PDZD2: variants seen among roughly 807,000 people sequenced by gnomAD.
PDZD2 encodes the protein PDZ domain-containing protein 2.
In PDZD2, 90 loss-of-function variants were observed where a neutral mutation model predicts 220.7. The observed-to-expected ratio is 0.41, with a 90% CI of 0.34 to 0.49. The LOEUF (loss-of-function observed/expected upper bound fraction) is 0.49, where lower values mean the gene tolerates loss of function less well. Among genes scored for constraint, PDZD2 ranks in the 20% least tolerant of loss-of-function variants. The pLI is 0.28. For missense variants in PDZD2, 3,174 were observed against 3,608.5 expected, an observed-to-expected ratio of 0.88 and a Z score of 3.08; for synonymous variants, 1,375 against 1,450.5, an observed-to-expected ratio of 0.95 and a Z score of 1.18.
chr5:31,721,732 T>G (rs939444533), intron 1 of PDZD2, among the ~76,000 whole-genome samples: 1 of 118,554 alleles, frequency 8.4e-6, no homozygotes, highest in Non-Finnish European at 1.8e-5. Flanking sequence ...AAATGAGGCT[T>G]AGCTGTCTCA....
chr5:31,864,918 G>A (rs917211053), intron 2 of PDZD2, among the ~76,000 whole-genome samples: 4 of 130,948 alleles, frequency 3.1e-5, no homozygotes, highest in Non-Finnish European at 6.2e-5. Context: ...GCGTAATCTC[G>A]GCTCACTTCA....
Position 32,087,178 on chromosome 5 carries a change from G to T in PDZD2, c.3730G>T (p.Ala1244Ser). The T allele has an allele frequency of 1.2e-6, 2 of 1,613,696 alleles. No homozygotes were observed. Among genetic ancestry groups the T allele is most frequent in the South Asian group, 2.2e-5 (2 of 91,070 alleles). The change falls in exon 20 of 25, where the codon GCC becomes TCC. Residue 1244 changes from alanine (A) to serine (S), a missense_variant. Coordinates refer to ENST00000438447, the MANE Select transcript of PDZD2 (RefSeq NM_178140.4). The surrounding 1 kb of genome is among the most constrained non-coding windows in gnomAD (Gnocchi z 4.0). ...CATCTCTTCCCCAGGGAAGAAGGGGGCCGCTCATCCTGACCCCAGCAAGAC... is the reference window on the plus strand; with the variant it reads ...CATCTCTTCCCCAGGGAAGAAGGGGTCCGCTCATCCTGACCCCAGCAAGAC... Reference protein sequence around the residue: ...DLISSPGKKGAAHPDPSKTSV... With the variant: ...DLISSPGKKGSAHPDPSKTSV...
intron 2 of PDZD2, among the ~76,000 whole-genome samples, chr5:31,867,776 C>T (rs551582351): frequency 3.0e-4 from 45 of 151,780 alleles, no homozygotes; most frequent in South Asian, 1.5e-3. Flanking sequence ...CCGCCCTCCA[C>T]GTGTTATATT....
At position 31,849,943 on chromosome 5, in the gene PDZD2, TATATACATATATATATATACAC is replaced by T. The variant is rs1757868281; in HGVS notation, c.476+50225_476+50246del. On this transcript the variant is annotated intron_variant, in intron 2 of 24. Transcript: ENST00000438447. ...ACATATATATATATACACATATATA[TATATACATATATATATATACAC>T]ATATATATATATACATATATATATA... Among the ~76,000 whole-genome samples the T allele has an allele frequency of 8.2e-5, 2 of 24,492 alleles. 1 individual carries two copies. Among genetic ancestry groups the T allele is most frequent in the African/African-American group, 6.1e-4 (2 of 3,256 alleles). The allele number at this position is 24,492 out of a possible 152,430, so 16.1% of individuals were successfully genotyped here.
intron 2 of PDZD2, among the ~76,000 whole-genome samples, chr5:31,888,515 A>G (rs951061540): frequency 6.6e-6 from 1 of 151,882 alleles, no homozygotes; most frequent in African/African-American, 2.4e-5. Flanking sequence ...TCTAAAAAGA[A>G]AATGGGATTG....
chr5:31,699,744 CAG>C (rs1465685571), intron 1 of PDZD2, among the ~76,000 whole-genome samples: 1 of 151,632 alleles, frequency 6.6e-6, no homozygotes, highest in Non-Finnish European at 1.5e-5. Context: ...GCTGGGATTC[CAG>C]GCATACTACC....
chr5:32,047,462 G>A (rs1002131150), intron 7 of PDZD2, among the ~76,000 whole-genome samples: 2 of 152,174 alleles, frequency 1.3e-5, no homozygotes, highest in Admixed American at 6.5e-5. Flanking sequence ...GGTTCAGCAA[G>A]CTCTAGTCCA....
At chr5:31,672,332 C>T (rs1040670837) in intron 1 of PDZD2, among the ~76,000 whole-genome samples, 1 of 151,406 alleles carries the variant, frequency 6.6e-6, no homozygotes, top group Admixed American at 6.6e-5. Flanking sequence ...TGGTGGGTCA[C>T]CCTCTGAGGA....
chr5:31,750,577 G>A (rs1337607201), intron 1 of PDZD2, among the ~76,000 whole-genome samples: 1 of 152,172 alleles, frequency 6.6e-6, no homozygotes, highest in African/African-American at 2.4e-5. Flanking sequence ...TGAGGAGTGT[G>A]GTCCTGAGGG....
intron 1 of PDZD2, among the ~76,000 whole-genome samples, chr5:31,721,807 T>C (rs1236779625): frequency 6.6e-6 from 1 of 151,954 alleles, no homozygotes; most frequent in Non-Finnish European, 1.5e-5. Context: ...TTATTAATAA[T>C]GAGGAGGCTG....
intron 1 of PDZD2, among the ~76,000 whole-genome samples, chr5:31,640,250 T>C (rs1393135356): frequency 6.6e-6 from 1 of 152,204 alleles, no homozygotes; most frequent in African/African-American, 2.4e-5. Context: ...AGCCCAAATC[T>C]ATGCAGAGAC....
chr5:31,953,429 G>C (rs72759611), intron 2 of PDZD2, among the ~76,000 whole-genome samples: 13,552 of 152,142 alleles, frequency 0.089, 812 homozygotes, highest in South Asian at 0.21. Context: ...TTATTATCTA[G>C]AGTGGCTAAG....
intron 10 of PDZD2, among the ~76,000 whole-genome samples, chr5:32,057,362 G>A (rs1040133476): frequency 3.9e-5 from 6 of 152,070 alleles, no homozygotes; most frequent in Non-Finnish European, 8.8e-5. Context: ...GTTTGATTTC[G>A]AAACATAGGA....
chr5:31,662,752 C>T (rs1387760530), intron 1 of PDZD2, among the ~76,000 whole-genome samples: 1 of 152,208 alleles, frequency 6.6e-6, no homozygotes, highest in Non-Finnish European at 1.5e-5. Flanking sequence ...GCCTCAGCCT[C>T]CCGGGTAGCT....
At chr5:31,902,946 T>A (rs1742234541) in intron 2 of PDZD2, among the ~76,000 whole-genome samples, 1 of 151,460 alleles carries the variant, frequency 6.6e-6, no homozygotes. Flanking sequence ...GCACCATTTA[T>A]GAAAAAGATG....
chr5:31,729,253 C>T (rs1325393411), intron 1 of PDZD2, among the ~76,000 whole-genome samples: 7 of 151,978 alleles, frequency 4.6e-5, no homozygotes, highest in African/African-American at 1.2e-4. Flanking sequence ...CCCGCCACTA[C>T]ACCCGGCTAA....
intron 6 of PDZD2, among the ~76,000 whole-genome samples, chr5:32,016,240 G>C (rs1279559071): frequency 6.6e-6 from 1 of 152,156 alleles, no homozygotes; most frequent in African/African-American, 2.4e-5. Context: ...GTTTTATTTG[G>C]ACTGAATAAT....
At chr5:31,917,148 G>A (rs180748798) in intron 2 of PDZD2, among the ~76,000 whole-genome samples, 73 of 152,302 alleles carry the variant, frequency 4.8e-4, no homozygotes, top group African/African-American at 1.7e-3. Flanking sequence ...GTTTGCACTG[G>A]ATCCAGAAAA....
chr5:32,097,696 C>G (rs1371750767), intron 22 of PDZD2, among the ~76,000 whole-genome samples: 1 of 152,150 alleles, frequency 6.6e-6, no homozygotes, highest in Non-Finnish European at 1.5e-5. Context: ...TGTGTTTATA[C>G]AATTACTCCC....
Sources: gnomAD v4.1 joint callset for allele counts (sites outside exome capture counted in the v4.1 genomes callset) on GRCh38, gnomAD v4.1.1 for gene constraint, Gnocchi (gnomAD v3.1) non-coding constraint, MANE v1.5 for transcripts, NCBI Gene and HGNC (gene_info 2026-07-23, HGNC 2026-07-21) for gene names.